Variants in FHIT observed in about 807,000 individuals in gnomAD.
FHIT encodes the protein fragile histidine triad diadenosine triphosphatase, also known as bis(5'-adenosyl)-triphosphatase.
A neutral mutation model predicts 17.9 loss-of-function variants in FHIT; 19 were observed. The ratio of observed to expected loss-of-function variants is 1.06; its 90% CI spans 0.74 to 1.56. The LOEUF is 1.56. FHIT is among the 40% of genes most tolerant of loss of function. The pLI, the probability that FHIT is intolerant of heterozygous loss-of-function variation, is 0.00. For synonymous variants in FHIT, 81 were observed against 69.7 expected (o/e 1.16, Z -0.81); for missense variants, 248 against 189.2 (o/e 1.31, Z -1.82).
intron 3 of FHIT, among the ~76,000 whole-genome samples, chr3:60,976,651 C>T (rs1181330499): frequency 6.6e-6 from 1 of 152,092 alleles, no homozygotes; most frequent in South Asian, 2.1e-4. Flanking sequence ...CTTAATGAAC[C>T]CTTGAGAAGG....
At chr3:60,463,482 T>C (rs528650172) in intron 5 of FHIT, among the ~76,000 whole-genome samples, 6 of 152,320 alleles carry the variant, frequency 3.9e-5, no homozygotes, top group South Asian at 2.1e-4. Context: ...TAAAATGTCA[T>C]TGATAGTGAC....
chr3:60,554,932 A>G (rs241669), intron 4 of FHIT, among the ~76,000 whole-genome samples: 135,829 of 152,184 alleles, frequency 0.89, 60,837 homozygotes, highest in African/African-American at 0.97. Context: ...ATAGCTATGT[A>G]TCATTTGTAC....
chr3:59,805,340 C>G (rs1700154994), intron 8 of FHIT, among the ~76,000 whole-genome samples: 1 of 152,122 alleles, frequency 6.6e-6, no homozygotes, highest in African/African-American at 2.4e-5. Flanking sequence ...ACATGCTTCC[C>G]CAAAATATGG....
chr3:59,870,519 C>G (rs1702869862), intron 8 of FHIT, among the ~76,000 whole-genome samples: 1 of 152,154 alleles, frequency 6.6e-6, no homozygotes, highest in Non-Finnish European at 1.5e-5. Flanking sequence ...CATCCCACTC[C>G]TACTGGGCTG....
chr3:59,944,744 A>T (rs1817615), intron 7 of FHIT, among the ~76,000 whole-genome samples: 38,236 of 151,850 alleles, frequency 0.25, 6,084 homozygotes, highest in African/African-American at 0.43. Flanking sequence ...GTACTAAATG[A>T]TTAGCTCCCA....
intron 5 of FHIT, among the ~76,000 whole-genome samples, chr3:60,342,420 T>G (rs750171253): frequency 1.3e-5 from 2 of 152,230 alleles, no homozygotes; most frequent in Non-Finnish European, 2.9e-5. Context: ...GGACACCAAA[T>G]TCTGATTTTA....
At chr3:59,913,457 T>C (rs953600059) in intron 8 of FHIT, among the ~76,000 whole-genome samples, 1 of 152,194 alleles carries the variant, frequency 6.6e-6, no homozygotes. Flanking sequence ...TTGACATAGA[T>C]ATTTACTCTC....
intron 5 of FHIT, among the ~76,000 whole-genome samples, chr3:60,100,934 T>C (rs1704165590): frequency 6.6e-6 from 1 of 152,194 alleles, no homozygotes; most frequent in Non-Finnish European, 1.5e-5. Flanking sequence ...AAGCCATGTA[T>C]GGCTAAGGTC....
chr3:60,678,105 T>A (rs1451176518), intron 4 of FHIT, among the ~76,000 whole-genome samples: 1 of 152,170 alleles, frequency 6.6e-6, no homozygotes, highest in African/African-American at 2.4e-5. Flanking sequence ...AAAAACCAAC[T>A]TTTTGTTTAA....
intron 7 of FHIT, among the ~76,000 whole-genome samples, chr3:59,990,484 T>C (rs1302062905): frequency 2.0e-5 from 3 of 152,078 alleles, no homozygotes; most frequent in Non-Finnish European, 4.4e-5. Context: ...TCAAATCATA[T>C]GGAAGCAGAT....
At chr3:60,818,233 T>C (rs1346118092) in intron 4 of FHIT, among the ~76,000 whole-genome samples, 1 of 152,176 alleles carries the variant, frequency 6.6e-6, no homozygotes, top group Non-Finnish European at 1.5e-5. Flanking sequence ...ATCTTGGAAT[T>C]GGTCTCAGAT....
intron 5 of FHIT, among the ~76,000 whole-genome samples, chr3:60,202,391 A>G (rs1353654464): frequency 6.6e-6 from 1 of 152,170 alleles, no homozygotes; most frequent in Admixed American, 6.5e-5. Context: ...ACTCCTTTCA[A>G]GTTCTCCTAG....
chr3:59,775,494 GCTCAGGCAC>G (rs1702265961), intron 8 of FHIT, among the ~76,000 whole-genome samples: 1 of 152,156 alleles, frequency 6.6e-6, no homozygotes, highest in South Asian at 2.1e-4. Context: ...GAGTTTAACA[GCTCAGGCAC>G]CTTCCTTTTT....
chr3:60,589,051 G>A (rs1170246957), intron 4 of FHIT, among the ~76,000 whole-genome samples: 4 of 152,000 alleles, frequency 2.6e-5, no homozygotes, highest in Non-Finnish European at 4.4e-5. Flanking sequence ...CTACCGGGCA[G>A]GTGACTCACC....
intron 5 of FHIT, among the ~76,000 whole-genome samples, chr3:60,456,315 A>C (rs2032090772): frequency 6.6e-6 from 1 of 152,216 alleles, no homozygotes; most frequent in South Asian, 2.1e-4. Flanking sequence ...ACTGATGCTA[A>C]AGAACATTTA....
intron 8 of FHIT, among the ~76,000 whole-genome samples, chr3:59,901,373 A>G (rs1423090872): frequency 6.6e-6 from 1 of 152,162 alleles, no homozygotes; most frequent in Non-Finnish European, 1.5e-5. Context: ...ATCTCGGGAG[A>G]GGTATCATGA....
chr3:60,645,036 A>G (rs782174470), intron 4 of FHIT, among the ~76,000 whole-genome samples: 1 of 151,904 alleles, frequency 6.6e-6, no homozygotes, highest in South Asian at 2.1e-4. Context: ...TCTTTTCTCA[A>G]ACAGCTCACT....
At chr3:60,314,893 G>A (rs1257131656) in intron 5 of FHIT, among the ~76,000 whole-genome samples, 2 of 151,918 alleles carry the variant, frequency 1.3e-5, no homozygotes, top group Non-Finnish European at 2.9e-5. Flanking sequence ...AGAATAGCCT[G>A]GGCAACACAG....
At chr3:61,234,139 T>C (rs2040171404) in intron 1 of FHIT, among the ~76,000 whole-genome samples, 1 of 152,154 alleles carries the variant, frequency 6.6e-6, no homozygotes, top group African/African-American at 2.4e-5. Flanking sequence ...TGTATTCTCT[T>C]CTCTGAAGCT....
Sources: gnomAD v4.1 joint callset for allele counts (sites outside exome capture counted in the v4.1 genomes callset) on GRCh38, gnomAD v4.1.1 for gene constraint, MANE v1.5 for transcripts, NCBI Gene and HGNC (gene_info 2026-07-23, HGNC 2026-07-21) for gene names.